ZNF148: variants seen among roughly 807,000 people sequenced by gnomAD.
The protein encoded by ZNF148 is Beta-Enolase Repressor Factor-1.
In ZNF148, 7 loss-of-function variants were observed where a neutral mutation model predicts 67.7. The ratio of observed to expected loss-of-function variants is 0.10; its 90% CI spans 0.06 to 0.19. ZNF148 has a LOEUF of 0.19. Ranked by LOEUF, ZNF148 falls within the 10% of genes least tolerant of loss-of-function variation. ZNF148 has a pLI of 1.00. For synonymous variants in ZNF148, 333 were observed against 330.7 expected (o/e 1.01, Z -0.08); for missense variants, 583 against 947.1 (o/e 0.62, Z 5.05).
At chr3:125,373,911 A>C (rs1356621700) in intron 1 of ZNF148, among the ~76,000 whole-genome samples, 7 of 152,314 alleles carry the variant, frequency 4.6e-5, no homozygotes, top group Non-Finnish European at 1.0e-4. Context: ...GTGTACTGCA[A>C]TCCAGGCTGA....
At chr3:125,342,299 G>A (rs976150324) in intron 1 of ZNF148, among the ~76,000 whole-genome samples, 7 of 151,200 alleles carry the variant, frequency 4.6e-5, no homozygotes, top group Non-Finnish European at 7.4e-5. Context: ...TAAGCCTAAC[G>A]AAATTCACTC....
At chr3:125,239,527 A>C (rs1458020884) in intron 7 of ZNF148, among the ~76,000 whole-genome samples, 1 of 152,176 alleles carries the variant, frequency 6.6e-6, no homozygotes, top group Non-Finnish European at 1.5e-5. Context: ...ATAATAACAA[A>C]AGCATGGATG....
intron 7 of ZNF148, among the ~76,000 whole-genome samples, chr3:125,238,985 C>T (rs900854600): frequency 1.3e-5 from 2 of 152,066 alleles, no homozygotes; most frequent in Non-Finnish European, 2.9e-5. Context: ...AGACATTACG[C>T]TAAATGTAGA....
intron 4 of ZNF148, among the ~76,000 whole-genome samples, chr3:125,294,622 C>T (rs1412475269): frequency 1.3e-5 from 2 of 152,142 alleles, no homozygotes; most frequent in Non-Finnish European, 2.9e-5. Flanking sequence ...ACATTCACTA[C>T]CATGCACTGT....
At chr3:125,278,047 G>T (rs1244175312) in intron 6 of ZNF148, among the ~76,000 whole-genome samples, 2 of 151,936 alleles carry the variant, frequency 1.3e-5, no homozygotes, top group African/African-American at 4.8e-5. Flanking sequence ...ATATATTCAA[G>T]GGGGGGAAGG....
intron 5 of ZNF148, among the ~76,000 whole-genome samples, chr3:125,279,650 C>A (rs1335843690): frequency 1.3e-5 from 2 of 150,850 alleles, no homozygotes; most frequent in African/African-American, 2.4e-5. Flanking sequence ...TTAAATAAAT[C>A]ATGGAAAATG....
chr3:125,362,027 C>A (rs531735037), intron 1 of ZNF148, among the ~76,000 whole-genome samples: 3 of 152,256 alleles, frequency 2.0e-5, no homozygotes, highest in Admixed American at 6.5e-5. Context: ...TCATGACCTT[C>A]CATTATTCTC....
In ZNF148 at chr3:125,227,823, C is replaced by T. The variant is rs1301559612; in HGVS notation, c.*4518G>A. The T allele has an allele frequency of 1.3e-5, 2 of 152,594 alleles. No individual in the cohort carries two copies. The highest frequency in any genetic ancestry group is 4.8e-5 in the African/African-American group (2 of 41,450). 9.5% of individuals were successfully genotyped at this position (152,594 alleles called of 1,614,324 possible). On this transcript the variant is annotated 3_prime_UTR_variant, in exon 9 of 9. Coordinates refer to ENST00000360647, the MANE Select transcript of ZNF148 (RefSeq NM_021964.3). ...CCTTCAAAGCACATTATATAAATGACTAGCATTTAAAAACATTTTTTCCTA... is the reference window on the plus strand; with the variant it reads ...CCTTCAAAGCACATTATATAAATGATTAGCATTTAAAAACATTTTTTCCTA...
chr3:125,234,711 G>A lies in ZNF148; in HGVS notation c.668-382C>T, dbSNP rs368228273. On this transcript the variant is annotated intron_variant, in intron 7 of 8. Coordinates refer to ENST00000360647, the MANE Select transcript of ZNF148 (RefSeq NM_021964.3). ...CCATGCACAATACAACACAATTCCT[G>A]GAGACAGTTTTTTAACTCAATTCCT... is the stretch of plus-strand genomic sequence containing the variant. 5.3e-5 allele frequency among the ~76,000 whole-genome samples: 8 copies of A among 152,002 alleles called. No individual in the cohort carries two copies. The East Asian group carries it at 1.2e-3, about 22-fold the overall frequency.
intron 1 of ZNF148, among the ~76,000 whole-genome samples, chr3:125,374,312 A>G (rs571808309): frequency 6.6e-6 from 1 of 152,212 alleles, no homozygotes; most frequent in East Asian, 1.9e-4. Flanking sequence ...ACTTAGGCCA[A>G]TATTTATTAA....
chr3:125,315,793 G>A (rs542308651), intron 3 of ZNF148, among the ~76,000 whole-genome samples: 2 of 151,590 alleles, frequency 1.3e-5, no homozygotes, highest in African/African-American at 4.9e-5. Context: ...ATACAAGCAC[G>A]CAACGTGAAA....
rs760778891 is a variant in ZNF148 at position 125,234,346 on chromosome 3, A to G, written c.668-17T>C. On this transcript the variant is annotated splice_polypyrimidine_tract_variant and intron_variant, in intron 7 of 8. Transcript: ENST00000360647. ...GTTTTTCACCTAGCACATAATATAG[A>G]AAGTTTAAAACAAAACAAATATTGT... 1.2e-5 allele frequency: 18 copies of G among 1,518,836 alleles called. No individual in the cohort carries two copies. Among genetic ancestry groups the G allele is most frequent in the Middle Eastern group, 1.7e-4 (1 of 5,772 alleles). The allele number at this position is 1,518,836 out of a possible 1,614,324, so 94.1% of individuals were successfully genotyped here. A position where few individuals can be genotyped will look rare whatever the true frequency, so the allele number is the denominator to read the frequency against.
intron 2 of ZNF148, among the ~76,000 whole-genome samples, chr3:125,326,671 GTA>G (rs149041632): frequency 1.1e-4 from 16 of 144,978 alleles, no homozygotes; most frequent in Middle Eastern, 3.6e-3. Flanking sequence ...ATATATATGA[GTA>G]TATATATATA....
At chr3:125,302,222 G>A (rs1939629862) in intron 4 of ZNF148, among the ~76,000 whole-genome samples, 2 of 150,612 alleles carry the variant, frequency 1.3e-5, no homozygotes, top group South Asian at 2.1e-4. Context: ...GAAAAAAATT[G>A]TGAACATTAG....
chr3:125,260,037 C>T (rs1466497207), intron 7 of ZNF148, among the ~76,000 whole-genome samples: 1 of 152,042 alleles, frequency 6.6e-6, no homozygotes. Flanking sequence ...GAGGGAACAG[C>T]CAGTTGGTGG....
chr3:125,342,229 G>A (rs541567742), intron 1 of ZNF148, among the ~76,000 whole-genome samples: 5 of 151,810 alleles, frequency 3.3e-5, no homozygotes, highest in East Asian at 1.9e-4. Context: ...TAACTGAAAC[G>A]TACTCAAATT....
At chr3:125,315,384 T>C (rs1940436653) in intron 3 of ZNF148, among the ~76,000 whole-genome samples, 1 of 152,000 alleles carries the variant, frequency 6.6e-6, no homozygotes, top group Non-Finnish European at 1.5e-5. Flanking sequence ...CCATTAAATA[T>C]ATAAAATAAC....
chr3:125,230,148 C>T lies in ZNF148; in HGVS notation c.*2193G>A, dbSNP rs1404818266. The T allele has an allele frequency of 6.6e-6, 1 of 152,410 alleles. No homozygotes were observed. Among genetic ancestry groups the T allele is most frequent in the Non-Finnish European group, 1.5e-5 (1 of 67,986 alleles). 9.4% of individuals were successfully genotyped at this position (152,410 alleles called of 1,614,324 possible). Reference sequence around the variant, plus strand: ...AAAAACTATGCTGGTGATGTTAAAACAACCGAAAAAAACCTCTCCACTGTA... The same window carrying T: ...AAAAACTATGCTGGTGATGTTAAAATAACCGAAAAAAACCTCTCCACTGTA... On this transcript the variant is annotated 3_prime_UTR_variant, in exon 9 of 9. Transcript: ENST00000360647.
chr3:125,352,736 A>AT (rs1004630891), intron 1 of ZNF148, among the ~76,000 whole-genome samples: 3 of 151,602 alleles, frequency 2.0e-5, no homozygotes, highest in Admixed American at 6.6e-5. Context: ...TCCCAGCAAG[A>AT]TTTTTTTTGT....
Sources: allele counts gnomAD v4.1 joint callset (sites outside exome capture counted in the v4.1 genomes callset), GRCh38; gene constraint gnomAD v4.1.1; transcripts MANE v1.5; gene names NCBI Gene and HGNC (gene_info 2026-07-23, HGNC 2026-07-21).